The following ZMAT1 variants were observed in gnomAD, a reference collection of about 807,000 sequenced individuals.
ZMAT1 encodes the protein zinc finger matrin-type 1.
In ZMAT1, 11 loss-of-function variants were observed where a neutral mutation model predicts 18.5. The ratio of observed to expected loss-of-function variants is 0.59; its 90% CI spans 0.37 to 0.98. The LOEUF (loss-of-function observed/expected upper bound fraction) is 0.98. Among genes scored for constraint, ZMAT1 ranks in the 50% least tolerant of loss-of-function variants. The pLI is 0.01. For missense variants in ZMAT1, 525 were observed against 496.2 expected (o/e 1.06, Z -0.55); for synonymous variants, 211 against 176.4 (o/e 1.20, Z -1.55).
intron 2 of ZMAT1, among the ~76,000 whole-genome samples, chrX:101,903,354 AC>A (rs1465679323): frequency 1.8e-5 from 2 of 111,792 alleles, no homozygotes; most frequent in Non-Finnish European, 3.8e-5. Flanking sequence ...TTAAGACTTA[AC>A]CCTACCTCCT....
intron 1 of ZMAT1, among the ~76,000 whole-genome samples, chrX:101,925,069 A>T (rs1283907101): frequency 8.9e-6 from 1 of 112,419 alleles, no homozygotes; most frequent in Non-Finnish European, 1.9e-5. Context: ...AAAGCATCTG[A>T]ATCACTGCAT....
chrX:101,929,404 T>TA (rs1388568518), intron 1 of ZMAT1, among the ~76,000 whole-genome samples: 37 of 74,507 alleles, frequency 5.0e-4, no homozygotes, highest in Admixed American at 9.1e-4. Flanking sequence ...TATATATATA[T>TA]TCTATATATA....
intron 2 of ZMAT1, among the ~76,000 whole-genome samples, chrX:101,903,677 T>C (rs1157107797): frequency 1.8e-5 from 2 of 111,761 alleles, no homozygotes; most frequent in Non-Finnish European, 3.8e-5. Flanking sequence ...GTCATACCAG[T>C]GATTAGCCAT....
chrX:101,904,119 T>C, intron 2 of ZMAT1, 105 bp downstream of exon 2: 1 of 547,741 alleles, frequency 1.8e-6, no homozygotes. Context: ...ACTACTACCT[T>C]TTTCACAGGA....
In ZMAT1 at chrX:101,929,435, A is replaced by ATTCTATATATATAGAT. The variant is rs1569444004; in HGVS notation, c.292+2281_292+2282insATCTATATATATAGAA. ...ATATAGAGAGAGATTATATATATATATATATATATATATATATATATACAC... is the reference window on the plus strand; with the variant it reads ...ATATAGAGAGAGATTATATATATATATTCTATATATATAGATTATATATATATATATATATATACAC... On this transcript the variant is annotated intron_variant, in intron 1 of 5. Transcript: ENST00000651725. 6.2e-4 allele frequency among the ~76,000 whole-genome samples: 44 copies of ATTCTATATATATAGAT among 71,225 alleles called. 1 individual carries two copies. Among genetic ancestry groups the ATTCTATATATATAGAT allele is most frequent in the Admixed American group, 3.6e-3 (25 of 7,028 alleles). The allele number at this position is 71,225 out of a possible 115,157, so 61.9% of individuals were successfully genotyped here. A position where few individuals can be genotyped will look rare whatever the true frequency, so the allele number is the denominator to read the frequency against.
At chrX:101,918,483 C>CAA (rs1556306713) in intron 1 of ZMAT1, 6 of 98,462 alleles carry the variant, frequency 6.1e-5, no homozygotes, top group Admixed American at 1.1e-4. Flanking sequence ...CACACACACA[C>CAA]AAAAATTAGC....
At chrX:101,891,970 G>A (rs1489132718) in intron 4 of ZMAT1, among the ~76,000 whole-genome samples, 2 of 111,343 alleles carry the variant, frequency 1.8e-5, no homozygotes, top group Non-Finnish European at 3.8e-5. Context: ...GGTTACAGGA[G>A]GATTTAGTTA....
In ZMAT1 at chrX:101,931,795, A is replaced by AGCC. The variant is rs895746763; in HGVS notation, c.211_213dup (p.Gly71dup). The AGCC allele has an allele frequency of 2.1e-5, 16 of 780,471 alleles. No homozygotes were observed. Among genetic ancestry groups the AGCC allele is most frequent in the East Asian group, 1.5e-4 (1 of 6,819 alleles). 64.3% of individuals were successfully genotyped at this position (780,471 alleles called of 1,213,427 possible). ...GCCGCCGCCATAGTGGAGCCGCCAA[A>AGCC]GCCGCCGCCGCCGCCGTCGCCACAG... On this transcript the variant is annotated inframe_insertion, in exon 1 of 6. Transcript: ENST00000651725.
intron 5 of ZMAT1, among the ~76,000 whole-genome samples, chrX:101,885,319 C>A (rs1926855180): frequency 9.0e-6 from 1 of 111,704 alleles, no homozygotes; most frequent in Non-Finnish European, 1.9e-5. Flanking sequence ...TTATATACAT[C>A]TTATAAATGT....
intron 1 of ZMAT1, among the ~76,000 whole-genome samples, chrX:101,908,923 G>A (rs960818156): frequency 1.8e-5 from 2 of 110,530 alleles, no homozygotes; most frequent in African/African-American, 3.3e-5. Flanking sequence ...GACATACTGA[G>A]ACACCAGCTG....
At chrX:101,896,001 CA>C (rs1220860790) in intron 4 of ZMAT1, 1 of 185,218 alleles carries the variant, frequency 5.4e-6, no homozygotes, top group African/African-American at 3.2e-5. Flanking sequence ...CTTTTTTTTT[CA>C]ACAGACAGCT....
Position 101,931,579 on chromosome X carries a change from G to A in ZMAT1, c.292+138C>T, listed in dbSNP as rs1031579093. ...GGGGCTAATACGGCGGGGCGGGGCG[G>A]GGCGAGCTTGGCCTTTACTGCGCCA... On this transcript the variant is annotated intron_variant, in intron 1 of 5. Coordinates refer to ENST00000651725, the MANE Select transcript of ZMAT1 (RefSeq NM_001394560.1). 28 of 690,044 alleles carry A rather than the reference G, an allele frequency of 4.1e-5. No homozygotes were observed. In the East Asian group the frequency reaches 4.4e-3, roughly 108 times the overall value. 56.9% of individuals were successfully genotyped at this position (690,044 alleles called of 1,213,427 possible).
At chrX:101,914,332 G>C (rs1929158474) in intron 1 of ZMAT1, among the ~76,000 whole-genome samples, 2 of 109,862 alleles carry the variant, frequency 1.8e-5, no homozygotes, top group Non-Finnish European at 3.8e-5. Context: ...TAGAACAAAA[G>C]AAATAATAAA....
intron 4 of ZMAT1, chrX:101,892,657 T>C: frequency 1.5e-6 from 1 of 661,547 alleles, no homozygotes; most frequent in Non-Finnish European, 1.8e-6. Flanking sequence ...GGCCAAAAAT[T>C]AGTAAGATAA....
chrX:101,892,859 A>C, intron 4 of ZMAT1: 2 of 307,198 alleles, frequency 6.5e-6, no homozygotes, highest in Non-Finnish European at 8.7e-6. Context: ...AGGAAGGCAG[A>C]CAGAAGAAAA....
At chrX:101,885,334 T>C (rs749460556) in intron 5 of ZMAT1, among the ~76,000 whole-genome samples, 1 of 111,956 alleles carries the variant, frequency 8.9e-6, no homozygotes, top group African/African-American at 3.2e-5. Flanking sequence ...AAATGTGATA[T>C]GTGTTTATTC....
intron 1 of ZMAT1, 61 bp downstream of exon 1, chrX:101,931,656 G>A (rs1465835013): frequency 4.0e-6 from 3 of 745,683 alleles, no homozygotes; most frequent in East Asian, 3.1e-4. Flanking sequence ...AATCTCGGAC[G>A]GGCTGAAGAG....
At chrX:101,904,669 G>A (rs1212553753) in intron 1 of ZMAT1, among the ~76,000 whole-genome samples, 2 of 111,295 alleles carry the variant, frequency 1.8e-5, no homozygotes, top group East Asian at 5.6e-4. Flanking sequence ...TTGGCCAGGT[G>A]CGGTGGCTCA....
At chrX:101,892,817 G>C in intron 4 of ZMAT1, 1 of 564,432 alleles carries the variant, frequency 1.8e-6, no homozygotes, top group Non-Finnish European at 2.1e-6. Context: ...ATTAGATATG[G>C]GAGAAACATA....
Sources: gnomAD v4.1 joint callset for allele counts (sites outside exome capture counted in the v4.1 genomes callset) on GRCh38, gnomAD v4.1.1 for gene constraint, MANE v1.5 for transcripts, NCBI Gene and HGNC (gene_info 2026-07-23, HGNC 2026-07-21) for gene names.